The following GFRA2 variants were observed in gnomAD, a reference collection of about 807,000 sequenced individuals.
GFRA2 encodes GDNF family receptor alpha-2.
A neutral mutation model predicts 48.3 loss-of-function variants in GFRA2; 17 were observed. The observed-to-expected ratio is 0.35, with a 90% CI of 0.24 to 0.53. The LOEUF (loss-of-function observed/expected upper bound fraction) is 0.53, where lower values mean the gene tolerates loss of function less well. GFRA2 is among the 20% of genes least tolerant of loss of function. The pLI, the probability that GFRA2 is intolerant of heterozygous loss-of-function variation, is 0.93. For missense variants in GFRA2, 660 were observed against 637.3 expected, an observed-to-expected ratio of 1.04 and a Z score of -0.38; for synonymous variants, 305 against 257.2, an observed-to-expected ratio of 1.19 and a Z score of -1.78.
intron 4 of GFRA2, among the ~76,000 whole-genome samples, chr8:21,724,640 G>C (rs1033162138): frequency 2.0e-5 from 3 of 152,112 alleles, no homozygotes; most frequent in African/African-American, 4.8e-5. Flanking sequence ...GGGTCTGCAG[G>C]GGGTGAATTC....
upstream of GFRA2, among the ~76,000 whole-genome samples, chr8:21,789,655 CCG>C (rs1417860343): frequency 6.6e-6 from 1 of 152,114 alleles, no homozygotes; most frequent in Admixed American, 6.5e-5. Flanking sequence ...CGGCCTAGCC[CCG>C]CGCGCACATA....
chr8:21,751,028 T>C, intron 3 of GFRA2, 86 bp from the exon 4 acceptor site: 2 of 885,606 alleles, frequency 2.3e-6, no homozygotes, highest in Non-Finnish European at 3.5e-6. Context: ...TGTCTCCCAG[T>C]ACTCGATATG....
rs1176054916 is a variant in GFRA2, at chr8:21,692,193, T to C, written c.*1085A>G. On this transcript the variant is annotated 3_prime_UTR_variant, in exon 9 of 9. Coordinates refer to ENST00000524240, the MANE Select transcript of GFRA2 (RefSeq NM_001495.5). ...CTTTACAATAATACATTTTCGCTCA[T>C]CTGTTGGGGTATTATTTCCATAGTT... 6.6e-6 allele frequency: 1 copy of C among 152,254 alleles called. No homozygotes were observed. Among genetic ancestry groups the C allele is most frequent in the Non-Finnish European group, 1.5e-5 (1 of 67,976 alleles). 9.4% of individuals were successfully genotyped at this position (152,254 alleles called of 1,614,324 possible).
intron 2 of GFRA2, chr8:21,797,906 T>C (rs1402062687): frequency 6.6e-6 from 1 of 152,236 alleles, no homozygotes; most frequent in Admixed American, 6.5e-5. Context: ...CCTGAAGTGC[T>C]GGCTGTTGTG....
chr8:21,694,313 A>C, intron 8 of GFRA2, 151 bp downstream of exon 8: 5 of 684,204 alleles, frequency 7.3e-6, no homozygotes, highest in Admixed American at 2.4e-5. Context: ...ACCCCACCCC[A>C]GCAGAGTAAG....
chr8:21,759,532 A>AGGAAGGAG, intron 3 of GFRA2, among the ~76,000 whole-genome samples: 1 of 149,262 alleles, frequency 6.7e-6, no homozygotes, highest in Admixed American at 6.7e-5. Flanking sequence ...GAAGGAAGGA[A>AGGAAGGAG]GGAAGGAAGG....
At chr8:21,774,506 T>G (rs1806595455) in intron 3 of GFRA2, among the ~76,000 whole-genome samples, 1 of 152,182 alleles carries the variant, frequency 6.6e-6, no homozygotes, top group Non-Finnish European at 1.5e-5. Context: ...TGCTGACTGA[T>G]GCGGCGTGCT....
chr8:21,782,313 C>A (rs78841759), intron 2 of GFRA2, among the ~76,000 whole-genome samples: 15,511 of 143,838 alleles, frequency 0.11, 1,538 homozygotes, highest in African/African-American at 0.24. Context: ...CTTCCTCCAG[C>A]GCCTGTTCTC....
intron 2 of GFRA2, among the ~76,000 whole-genome samples, chr8:21,801,065 C>T (rs1229874169): frequency 6.6e-6 from 1 of 152,166 alleles, no homozygotes; most frequent in Non-Finnish European, 1.5e-5. Flanking sequence ...CAATCAGCCC[C>T]TGCTGGAATC....
chr8:21,750,874 G>A lies in GFRA2; in HGVS notation c.508C>T (p.Leu170=), dbSNP rs1414789928. The A allele has an allele frequency of 6.2e-7, 1 of 1,613,816 alleles. No homozygotes were observed. The highest frequency in any genetic ancestry group is 2.2e-5 in the East Asian group (1 of 44,872). Residue 170 remains leucine (L), a synonymous_variant, in exon 4 of 9, where the codon CTG becomes TTG. Transcript: ENST00000524240. The surrounding 1 kb of genome is among the most constrained non-coding windows in gnomAD (Gnocchi z 5.7). ...HCLDAAKACN[L]NDNCKKLRSS... ...CGCAGCTTCTTGCAGTTGTCATTCA[G>A]GTTGCAGGCCTTGGCAGCATCCAGG...
intron 4 of GFRA2, among the ~76,000 whole-genome samples, chr8:21,725,673 C>T (rs1223753974): frequency 6.6e-6 from 1 of 152,170 alleles, no homozygotes; most frequent in Non-Finnish European, 1.5e-5. Flanking sequence ...ACAGGTAGTG[C>T]AAAATTCCCC....
chr8:21,801,776 A>G (rs2117114506), intron 2 of GFRA2, among the ~76,000 whole-genome samples: 1 of 152,188 alleles, frequency 6.6e-6, no homozygotes, highest in East Asian at 1.9e-4. Flanking sequence ...TCCACATCTC[A>G]TCAGCCCTGA....
intron 2 of GFRA2, among the ~76,000 whole-genome samples, chr8:21,796,325 G>A (rs1450675020): frequency 6.6e-6 from 1 of 152,248 alleles, no homozygotes; most frequent in Non-Finnish European, 1.5e-5. Flanking sequence ...GGTACCCGAG[G>A]TCAAGGCAGA....
chr8:21,780,004 C>T (rs1440796847), intron 2 of GFRA2, among the ~76,000 whole-genome samples: 3 of 151,990 alleles, frequency 2.0e-5, no homozygotes, highest in Non-Finnish European at 2.9e-5. Context: ...ATGGCAACAT[C>T]GCCATCACTA....
chr8:21,719,406 A>G (rs1001946577), intron 4 of GFRA2, among the ~76,000 whole-genome samples: 8 of 152,052 alleles, frequency 5.3e-5, no homozygotes, highest in Admixed American at 3.3e-4. Flanking sequence ...TCTCTCCCCA[A>G]TCCCTCCACC....
intron 4 of GFRA2, among the ~76,000 whole-genome samples, chr8:21,733,978 C>G (rs1804327009): frequency 6.6e-6 from 1 of 152,188 alleles, no homozygotes; most frequent in Admixed American, 6.5e-5. Context: ...GGAGGTGGAT[C>G]CACAGGGGAG....
intron 3 of GFRA2, among the ~76,000 whole-genome samples, chr8:21,751,923 A>G (rs1193852877): frequency 3.9e-5 from 6 of 152,204 alleles, no homozygotes; most frequent in Admixed American, 3.3e-4. Flanking sequence ...AGAGGAGAAC[A>G]GCACAATAGC....
At chr8:21,790,182 A>G (rs1457574472), upstream of GFRA2, 1 of 805,180 alleles carries the variant, frequency 1.2e-6, no homozygotes, top group East Asian at 1.3e-4. Context: ...TTCCGGCGAG[A>G]GCGGGAGAGG....
chr8:21,722,142 G>A (rs1249161690), intron 4 of GFRA2, among the ~76,000 whole-genome samples: 1 of 152,180 alleles, frequency 6.6e-6, no homozygotes, highest in Non-Finnish European at 1.5e-5. Flanking sequence ...GCTGATCCCA[G>A]AAACCATTCA....
Sources: allele counts gnomAD v4.1 joint callset (sites outside exome capture counted in the v4.1 genomes callset), GRCh38; gene constraint gnomAD v4.1.1; non-coding constraint Gnocchi (gnomAD v3.1); transcripts MANE v1.5; gene names NCBI Gene and HGNC (gene_info 2026-07-23, HGNC 2026-07-21).